Variants in GALNT13 observed in about 807,000 individuals in gnomAD.
GALNT13 encodes the protein UDP-GalNAc:polypeptide N-acetylgalactosaminyltransferase 13.
In GALNT13, 28 loss-of-function variants were observed where a neutral mutation model predicts 64.2. The ratio of observed to expected loss-of-function variants is 0.44; its 90% CI spans 0.32 to 0.60. GALNT13 has a LOEUF of 0.60. Among genes scored for constraint, GALNT13 ranks in the 20% least tolerant of loss-of-function variants. The pLI is 0.05. For missense variants in GALNT13, 577 were observed against 669.8 expected (o/e 0.86, Z 1.53); for synonymous variants, 214 against 224.6 (o/e 0.95, Z 0.42).
intron 3 of GALNT13, among the ~76,000 whole-genome samples, chr2:154,031,814 G>A (rs1262761006): frequency 6.6e-6 from 1 of 151,742 alleles, no homozygotes. Context: ...TAATTATATT[G>A]GAAGGCTGTA....
the GALNT13 span, among the ~76,000 whole-genome samples, chr2:153,260,671 G>A: frequency 6.6e-6 from 1 of 152,094 alleles, no homozygotes; most frequent in South Asian, 2.1e-4. Flanking sequence ...GTGTCTTGAG[G>A]TAGTCTTCTT....
Position 153,949,270 on chromosome 2 carries a change from C to T in GALNT13, c.142+4631C>T, listed in dbSNP as rs76814531. 2.8e-3 allele frequency among the ~76,000 whole-genome samples: 422 copies of T among 151,990 alleles called. 4 individuals are homozygous for T. The highest frequency in any genetic ancestry group is 9.2e-3 in the African/African-American group (383 of 41,488). On this transcript the variant is annotated intron_variant, in intron 3 of 12. Transcript: ENST00000392825. ...AGAACACTTCCCCATCCTTATGCAA[C>T]GAATGACTGAATATATATTCAACTG...
At chr2:153,925,794 C>G (rs544197744) in intron 2 of GALNT13, among the ~76,000 whole-genome samples, 119 of 152,102 alleles carry the variant, frequency 7.8e-4, no homozygotes, top group Non-Finnish European at 1.4e-3. Flanking sequence ...AGTTGTATTT[C>G]TAAGTATTTT....
chr2:153,776,341 G>A, the GALNT13 span, among the ~76,000 whole-genome samples: 1 of 152,166 alleles, frequency 6.6e-6, no homozygotes, highest in Non-Finnish European at 1.5e-5. Context: ...AACTGTACAA[G>A]TCTGGTGTTC....
At chr2:153,385,716 G>T in the GALNT13 span, among the ~76,000 whole-genome samples, 1 of 151,904 alleles carries the variant, frequency 6.6e-6, no homozygotes, top group Non-Finnish European at 1.5e-5. Flanking sequence ...AGCATTACTG[G>T]ATTGTTTGTA....
At chr2:154,290,581 A>C (rs1402312673) in intron 8 of GALNT13, among the ~76,000 whole-genome samples, 1 of 152,174 alleles carries the variant, frequency 6.6e-6, no homozygotes, top group Non-Finnish European at 1.5e-5. Context: ...GAACCACAGG[A>C]AGCTGATAGG....
chr2:154,296,548 G>C (rs146942675), intron 8 of GALNT13, among the ~76,000 whole-genome samples: 1 of 152,076 alleles, frequency 6.6e-6, no homozygotes, highest in Non-Finnish European at 1.5e-5. Context: ...CTTAAATTCC[G>C]TCTCATGTAT....
intron 9 of GALNT13, among the ~76,000 whole-genome samples, chr2:154,361,944 A>G (rs1315343736): frequency 2.0e-5 from 3 of 152,084 alleles, no homozygotes; most frequent in East Asian, 3.9e-4. Flanking sequence ...ATCTCTCAAG[A>G]TAACTGGCCC....
chr2:153,501,337 A>G, the GALNT13 span, among the ~76,000 whole-genome samples: 4 of 150,440 alleles, frequency 2.7e-5, no homozygotes, highest in Non-Finnish European at 5.9e-5. Context: ...TTTTGTTTTT[A>G]TTTTTATTTT....
At chr2:154,111,740 T>G (rs1171487549) in intron 3 of GALNT13, among the ~76,000 whole-genome samples, 1 of 152,174 alleles carries the variant, frequency 6.6e-6, no homozygotes, top group African/African-American at 2.4e-5. Context: ...TGGACGCTGA[T>G]TCAGAGTATA....
chr2:154,057,722 A>G (rs964184802), intron 3 of GALNT13, among the ~76,000 whole-genome samples: 3 of 152,204 alleles, frequency 2.0e-5, no homozygotes, highest in Admixed American at 2.0e-4. Flanking sequence ...AAATGTCTGT[A>G]TAGAAATATT....
chr2:153,439,369 T>C, the GALNT13 span, among the ~76,000 whole-genome samples: 1 of 152,232 alleles, frequency 6.6e-6, no homozygotes, highest in Non-Finnish European at 1.5e-5. Flanking sequence ...CATTTTCGTC[T>C]GCAGAGGTTA....
At chr2:153,944,676 A>T (rs200101064) in intron 3 of GALNT13, 37 bp downstream of exon 3, 1 of 1,549,160 alleles carries the variant, frequency 6.5e-7, no homozygotes, top group Non-Finnish European at 8.8e-7. Flanking sequence ...CTTTATAGAG[A>T]TGAGAAAAGT....
the GALNT13 span, chr2:153,477,953 C>G: frequency 4.3e-6 from 2 of 462,684 alleles, no homozygotes; most frequent in African/African-American, 2.0e-5. Flanking sequence ...TCGGTCTCCC[C>G]GCATTCCAAG....
At chr2:153,567,905 GT>G in the GALNT13 span, among the ~76,000 whole-genome samples, 1 of 152,208 alleles carries the variant, frequency 6.6e-6, no homozygotes, top group African/African-American at 2.4e-5. Context: ...TCCGAAATCT[GT>G]GGTAGTGCTG....
rs545724901 is a variant in GALNT13, at chr2:154,306,829, G to A, written c.1156+5240G>A. Among the ~76,000 whole-genome samples the A allele has an allele frequency of 9.9e-5, 15 of 152,238 alleles. No homozygotes were observed. In the South Asian group the frequency reaches 2.7e-3, roughly 27 times the overall value. On this transcript the variant is annotated intron_variant, in intron 9 of 12. Transcript: ENST00000392825. ...TGATCTTAGGTTTTACATCACAACA[G>A]TGATATAATCCCCAGGAGCATTTTG...
chr2:153,189,856 A>G, the GALNT13 span, among the ~76,000 whole-genome samples: 1 of 152,138 alleles, frequency 6.6e-6, no homozygotes, highest in African/African-American at 2.4e-5. Context: ...ATAATTAATG[A>G]TGATGAACAT....
chr2:153,488,044 A>G, the GALNT13 span, among the ~76,000 whole-genome samples: 2 of 152,252 alleles, frequency 1.3e-5, no homozygotes, highest in African/African-American at 2.4e-5. Flanking sequence ...TACATGTTAA[A>G]TAAATCATAC....
At chr2:154,018,542 G>A (rs774384553) in intron 3 of GALNT13, among the ~76,000 whole-genome samples, 1 of 152,036 alleles carries the variant, frequency 6.6e-6, no homozygotes, top group African/African-American at 2.4e-5. Context: ...CCAAACCAGC[G>A]AGAAGATAAG....
Sources: gnomAD v4.1 joint callset for allele counts (sites outside exome capture counted in the v4.1 genomes callset) on GRCh38, gnomAD v4.1.1 for gene constraint, MANE v1.5 for transcripts, NCBI Gene and HGNC (gene_info 2026-07-23, HGNC 2026-07-21) for gene names.